Variants in SCRG1 observed in about 807,000 individuals in gnomAD.
The protein encoded by SCRG1 is scrapie-responsive protein 1.
A neutral mutation model predicts 7.7 loss-of-function variants in SCRG1; 3 were observed. The ratio of observed to expected loss-of-function variants is 0.39; its 90% confidence interval spans 0.18 to 1.01. SCRG1 has a LOEUF of 1.01. Ranked by LOEUF, SCRG1 falls within the 50% of genes least tolerant of loss-of-function variation. The pLI, the probability that SCRG1 is intolerant of heterozygous loss-of-function variation, is 0.36. For synonymous variants in SCRG1, 46 were observed against 41.2 expected (o/e 1.12, Z -0.44); for missense variants, 110 against 117.2 (o/e 0.94, Z 0.28).
the SCRG1 span, among the ~76,000 whole-genome samples, chr4:173,444,333 A>G: frequency 2.6e-5 from 4 of 152,166 alleles, no homozygotes; most frequent in South Asian, 2.1e-4. Flanking sequence ...TTGACTTGTC[A>G]TCATCTATTC....
chr4:173,496,163 A>C, the SCRG1 span, among the ~76,000 whole-genome samples: 9 of 152,216 alleles, frequency 5.9e-5, no homozygotes, highest in African/African-American at 2.2e-4. Flanking sequence ...GGAATGAATG[A>C]AAGATTTTAA....
chr4:173,484,958 TA>T, the SCRG1 span, among the ~76,000 whole-genome samples: 14 of 51,886 alleles, frequency 2.7e-4, 3 homozygotes, highest in African/African-American at 9.9e-4. Flanking sequence ...TATAATATTA[TA>T]TATATTATAT....
chr4:173,518,701 G>GC, the SCRG1 span, among the ~76,000 whole-genome samples: 1 of 152,072 alleles, frequency 6.6e-6, no homozygotes, highest in Admixed American at 6.5e-5. Flanking sequence ...TAGCCCCTGC[G>GC]CCCCCTTTTT....
At chr4:173,514,637 T>C in the SCRG1 span, among the ~76,000 whole-genome samples, 2 of 152,216 alleles carry the variant, frequency 1.3e-5, no homozygotes, top group Non-Finnish European at 2.9e-5. Flanking sequence ...AATCGACCCC[T>C]TCTACCCATA....
the SCRG1 span, among the ~76,000 whole-genome samples, chr4:173,417,512 T>G: frequency 6.6e-6 from 1 of 152,216 alleles, no homozygotes; most frequent in Non-Finnish European, 1.5e-5. Context: ...GATCCTTTAT[T>G]ATAAGCCAGT....
chr4:173,407,552 G>A (rs4695835), upstream of SCRG1, among the ~76,000 whole-genome samples: 150,489 of 152,310 alleles, frequency 0.99, 74,371 homozygotes, highest in East Asian at 1. Context: ...AAAAAAGAGA[G>A]TAGAGGTGCT....
chr4:173,397,047 C>T (rs528944414), intron 1 of SCRG1, among the ~76,000 whole-genome samples: 18 of 151,858 alleles, frequency 1.2e-4, no homozygotes, highest in Non-Finnish European at 1.3e-4. Flanking sequence ...AGCCAGACTC[C>T]GTCTCAAAAA....
At chr4:173,411,703 A>C in the SCRG1 span, among the ~76,000 whole-genome samples, 4 of 152,224 alleles carry the variant, frequency 2.6e-5, no homozygotes, top group East Asian at 7.7e-4. Context: ...CAACATTTTC[A>C]TCAAATCATT....
chr4:173,439,921 T>C, the SCRG1 span, among the ~76,000 whole-genome samples: 20 of 152,258 alleles, frequency 1.3e-4, no homozygotes, highest in Non-Finnish European at 1.5e-4. Context: ...TCTTAGGTTG[T>C]AATAGGGGTA....
At chr4:173,431,223 C>T in the SCRG1 span, among the ~76,000 whole-genome samples, 151 of 152,250 alleles carry the variant, frequency 9.9e-4, no homozygotes, top group Admixed American at 3.2e-3. Context: ...ATTTGGGGGA[C>T]CACTTCCTGT....
At chr4:173,461,503 T>C in the SCRG1 span, among the ~76,000 whole-genome samples, 1 of 152,378 alleles carries the variant, frequency 6.6e-6, no homozygotes, top group East Asian at 1.9e-4. Flanking sequence ...ACAGCATTAC[T>C]GCGCTTGGGG....
chr4:173,476,161 C>A, the SCRG1 span, among the ~76,000 whole-genome samples: 2 of 151,216 alleles, frequency 1.3e-5, no homozygotes, highest in African/African-American at 4.9e-5. Context: ...ACGTTGAAAG[C>A]AATTCTGTTT....
the SCRG1 span, among the ~76,000 whole-genome samples, chr4:173,455,781 A>G: frequency 6.7e-6 from 1 of 149,330 alleles, no homozygotes; most frequent in Non-Finnish European, 1.5e-5. Context: ...AGGAATATAT[A>G]TTTTTCAAGT....
the SCRG1 span, among the ~76,000 whole-genome samples, chr4:173,500,197 C>A: frequency 6.6e-6 from 1 of 152,172 alleles, no homozygotes; most frequent in Non-Finnish European, 1.5e-5. Flanking sequence ...CAAAGCCCTG[C>A]GAAAACGCCC....
intron 2 of SCRG1, among the ~76,000 whole-genome samples, chr4:173,389,404 C>T (rs770276749): frequency 5.3e-5 from 8 of 152,056 alleles, no homozygotes; most frequent in Non-Finnish European, 7.4e-5. Flanking sequence ...GGCGAGGTGG[C>T]GGGCGCCTGT....
At chr4:173,431,754 G>T in the SCRG1 span, among the ~76,000 whole-genome samples, 1 of 152,204 alleles carries the variant, frequency 6.6e-6, no homozygotes. Flanking sequence ...TCTTCCCAAT[G>T]AATGGGACAG....
the SCRG1 span, among the ~76,000 whole-genome samples, chr4:173,499,239 A>G: frequency 6.6e-6 from 1 of 152,224 alleles, no homozygotes; most frequent in East Asian, 1.9e-4. This position sits in a 1 kb window ranked among gnomAD's most constrained non-coding sequence, Gnocchi z 4.1. Context: ...AATGTGGGGT[A>G]ATGAACCCAG....
At chr4:173,426,317 G>GA in the SCRG1 span, among the ~76,000 whole-genome samples, 4 of 151,784 alleles carry the variant, frequency 2.6e-5, no homozygotes, top group Non-Finnish European at 1.5e-5. Flanking sequence ...ATGAAGCAGA[G>GA]AAAAAAAACA....
intron 1 of SCRG1, among the ~76,000 whole-genome samples, chr4:173,395,507 CTATG>C (rs1161444969): frequency 4.6e-5 from 7 of 152,170 alleles, no homozygotes; most frequent in Non-Finnish European, 1.0e-4. Context: ...CTCTTTAATC[CTATG>C]TATGTGTCTC....
Sources: allele counts gnomAD v4.1 joint callset (sites outside exome capture counted in the v4.1 genomes callset), GRCh38; gene constraint gnomAD v4.1.1; non-coding constraint Gnocchi (gnomAD v3.1); transcripts MANE v1.5; gene names NCBI Gene and HGNC (gene_info 2026-07-23, HGNC 2026-07-21).